The following PHLDB3 variants were observed in gnomAD, a reference collection of about 807,000 sequenced individuals.
The protein encoded by PHLDB3 is pleckstrin homology-like domain family B member 3.
A neutral mutation model predicts 85.7 loss-of-function variants in PHLDB3; 86 were observed. That is an observed-to-expected ratio of 1.00 (90% CI 0.84 to 1.20). PHLDB3 has a LOEUF of 1.20. Ranked by LOEUF, PHLDB3 falls within the 50% of genes most tolerant of loss-of-function variation. PHLDB3 has a pLI of 0.00. For synonymous variants in PHLDB3, 376 were observed against 349.8 expected, an observed-to-expected ratio of 1.07 and a Z score of -0.83; for missense variants, 995 against 873.0, an observed-to-expected ratio of 1.14 and a Z score of -1.76.
At chr19:43,489,944 T>A (rs1485346960) in intron 9 of PHLDB3, among the ~76,000 whole-genome samples, 1 of 149,634 alleles carries the variant, frequency 6.7e-6, no homozygotes, top group Non-Finnish European at 1.5e-5. Context: ...GAGGCAGTGG[T>A]TGCAGTGAGC....
chr19:43,502,614 C>CT (rs71336869), intron 2 of PHLDB3, among the ~76,000 whole-genome samples: 6,938 of 114,722 alleles, frequency 0.06, 342 homozygotes, highest in African/African-American at 0.13. Flanking sequence ...ACGCCAAGCT[C>CT]TTTTTTTTTT....
intron 9 of PHLDB3, among the ~76,000 whole-genome samples, chr19:43,493,648 G>T (rs115389336): frequency 1.3e-5 from 2 of 151,792 alleles, no homozygotes; most frequent in South Asian, 4.2e-4. Flanking sequence ...AAAGCTAGAA[G>T]AGGACTTGAA....
At chr19:43,486,976 G>T in intron 10 of PHLDB3, 48 bp downstream of exon 10, 1 of 1,492,778 alleles carries the variant, frequency 6.7e-7, no homozygotes, top group South Asian at 1.4e-5. Flanking sequence ...CTCTGCTGCA[G>T]GATGAGTGCT....
At chr19:43,488,869 G>A (rs188639545) in intron 9 of PHLDB3, among the ~76,000 whole-genome samples, 153 of 151,376 alleles carry the variant, frequency 1.0e-3, no homozygotes, top group African/African-American at 3.7e-3. Context: ...GCACAATCTC[G>A]GCTCATTGCA....
chr19:43,484,252 G>GA (rs768129873), intron 13 of PHLDB3, among the ~76,000 whole-genome samples: 1,010 of 85,524 alleles, frequency 0.012, 6 homozygotes, highest in African/African-American at 0.036. Flanking sequence ...CTCCATCTTG[G>GA]AAAAAAAAAA....
intron 15 of PHLDB3, among the ~76,000 whole-genome samples, chr19:43,476,410 T>C (rs1324656660): frequency 6.6e-6 from 1 of 152,034 alleles, no homozygotes; most frequent in Admixed American, 6.5e-5. Flanking sequence ...TTTGGGAGGT[T>C]GAAGCGGATT....
At chr19:43,503,120 T>TC (rs1390673531) in intron 2 of PHLDB3, among the ~76,000 whole-genome samples, 2 of 152,150 alleles carry the variant, frequency 1.3e-5, no homozygotes, top group African/African-American at 2.4e-5. Context: ...CTGTCTCGAT[T>TC]CCCCTCTCTC....
intron 9 of PHLDB3, 115 bp from the exon 10 acceptor site, chr19:43,487,238 A>G: frequency 1.2e-6 from 1 of 825,434 alleles, no homozygotes; most frequent in Non-Finnish European, 2.0e-6. Context: ...ACTACTGTCC[A>G]TGTGCTGAGT....
At chr19:43,484,570 G>A (rs1971113922) in intron 13 of PHLDB3, among the ~76,000 whole-genome samples, 1 of 151,924 alleles carries the variant, frequency 6.6e-6, no homozygotes, top group Admixed American at 6.6e-5. Flanking sequence ...AAAATAAATG[G>A]GTGTGGTGGT....
chr19:43,478,382 C>A (rs1406264358), intron 14 of PHLDB3, among the ~76,000 whole-genome samples: 1 of 152,072 alleles, frequency 6.6e-6, no homozygotes, highest in Non-Finnish European at 1.5e-5. Flanking sequence ...AATGCTCGGC[C>A]TCTGAGAAGG....
chr19:43,486,478 G>T lies in PHLDB3; in HGVS notation c.1428+131C>A, dbSNP rs545250186. ...GATGGGCTGGGGGCCTGGACTCCTGGGTCTGAGGGTGGAGGGGCTGGGGGC... is the reference window on the plus strand; with the variant it reads ...GATGGGCTGGGGGCCTGGACTCCTGTGTCTGAGGGTGGAGGGGCTGGGGGC... On this transcript the variant is annotated intron_variant, in intron 12 of 15. Transcript: ENST00000292140. 6.2e-6 allele frequency: 8 copies of T among 1,295,710 alleles called. No individual in the cohort carries two copies. The South Asian group carries it at 1.2e-4, about 19-fold the overall frequency. The allele number at this position is 1,295,710 out of a possible 1,614,324, so 80.3% of individuals were successfully genotyped here.
Position 43,495,306 on chromosome 19 carries a change from G to A in PHLDB3, c.985C>T (p.Gln329Ter). 1 of 1,613,828 alleles carries A rather than the reference G, an allele frequency of 6.2e-7. No homozygotes were observed. The highest frequency in any genetic ancestry group is 8.5e-7 in the Non-Finnish European group (1 of 1,179,820). ...RSRLLELNCL[Q>*]GTPGGDFSEP... The stretch of plus-strand genomic sequence containing the variant: ...GAGAAGTCCCCGCCAGGTGTTCCCT[G>A]AAGGCAATTGAGCTCGAGCAGCCGG... The change falls in exon 8 of 16, where the codon CAG (glutamine) becomes TAG (stop). Residue 329 changes from glutamine to a stop codon, truncating the protein, a stop_gained. Coordinates refer to ENST00000292140, the MANE Select transcript of PHLDB3 (RefSeq NM_198850.4). LOFTEE classifies it high-confidence loss of function.
At chr19:43,487,828 G>A (rs11666646) in intron 9 of PHLDB3, among the ~76,000 whole-genome samples, 2,270 of 152,118 alleles carry the variant, frequency 0.015, 26 homozygotes, top group Middle Eastern at 0.034. Context: ...GTATAGGGAC[G>A]TGAATTATGC....
rs373385936 is a variant in PHLDB3, at chr19:43,497,775, G to A, written c.636C>T (p.Arg212=). 4.2e-5 allele frequency: 66 copies of A among 1,553,350 alleles called. No homozygotes were observed. Among genetic ancestry groups the A allele is most frequent in the African/African-American group, 1.9e-4 (14 of 73,124 alleles). The change falls in exon 5 of 16, where the codon CGC becomes CGT. Residue 212 remains arginine (R), a synonymous_variant. Coordinates refer to ENST00000292140, the MANE Select transcript of PHLDB3 (RefSeq NM_198850.4). The part of the protein sequence containing the change: ...GQLDSQPEDQ[R]ERLLQGVQEM... ...CCTGCACACCCTGCAGAAGCCGCTCGCGTTGGTCCTCTGGCTGTGAGTCGA... is the reference window on the plus strand; with the variant it reads ...CCTGCACACCCTGCAGAAGCCGCTCACGTTGGTCCTCTGGCTGTGAGTCGA...
At position 43,475,366 on chromosome 19, in the gene PHLDB3, C is replaced by T. The variant is rs1336338631; in HGVS notation, c.*44G>A. 7 of 1,592,476 alleles carry T rather than the reference C, an allele frequency of 4.4e-6. No individual in the cohort carries two copies. The highest frequency in any genetic ancestry group is 3.5e-5 in the Admixed American group (2 of 57,722). ...CTAGGAACGCCCCCGCGCCCCGCGC[C>T]GGCGGAGCCTCGAAGGGACTTCCCC... On this transcript the variant is annotated 3_prime_UTR_variant, in exon 16 of 16. Transcript: ENST00000292140.
Position 43,500,909 on chromosome 19 carries a change from A to ACC in PHLDB3, c.534+823_534+824dup, listed in dbSNP as rs1248570317. Among the ~76,000 whole-genome samples the ACC allele has an allele frequency of 4.4e-3, 76 of 17,152 alleles. 3 individuals carry two copies. The highest frequency in any genetic ancestry group is 7.6e-3 in the African/African-American group (43 of 5,658). The allele number at this position is 17,152 out of a possible 152,430, so 11.3% of individuals were successfully genotyped here. ...CCTCCCACTTTGCCCCGCCCCCCGT[A>ACC]CCCCCCCCCCACCCCGCAAGTACTG... On this transcript the variant is annotated intron_variant, in intron 4 of 15. Transcript: ENST00000292140.
intron 4 of PHLDB3, 22 bp from the exon 5 acceptor site, chr19:43,497,898 C>T (rs1971502464): frequency 1.9e-6 from 3 of 1,586,036 alleles, no homozygotes; most frequent in Non-Finnish European, 2.6e-6. Flanking sequence ...ACAAGGTTCT[C>T]ACCCTCAGCT....
intron 9 of PHLDB3, 124 bp from the exon 10 acceptor site, chr19:43,487,247 G>T: frequency 1.3e-6 from 1 of 768,224 alleles, no homozygotes; most frequent in Non-Finnish European, 2.2e-6. Flanking sequence ...CATGTGCTGA[G>T]TGAAAGGACC....
rs11673073 is a variant in PHLDB3, at chr19:43,475,909, C to T, written c.1789-365G>A. On this transcript the variant is annotated intron_variant, in intron 15 of 15. Coordinates refer to ENST00000292140, the MANE Select transcript of PHLDB3 (RefSeq NM_198850.4). ...CTCTCGAGTTCAAGCGATTCTCCTG[C>T]CTCAGCCTCCCGAGTAGCTGGGACT... Among the ~76,000 whole-genome samples, 71 of 152,248 alleles carry T rather than the reference C, an allele frequency of 4.7e-4. No individual in the cohort carries two copies. In the Middle Eastern group the frequency reaches 0.01, roughly 22 times the overall value.
Sources: gnomAD v4.1 joint callset for allele counts (sites outside exome capture counted in the v4.1 genomes callset) on GRCh38, gnomAD v4.1.1 for gene constraint, MANE v1.5 for transcripts, NCBI Gene and HGNC (gene_info 2026-07-23, HGNC 2026-07-21) for gene names.